The following ACIN1 variants were observed in gnomAD, a reference collection of about 807,000 sequenced individuals.
ACIN1 encodes the protein apoptotic chromatin condensation inducer in the nucleus.
In ACIN1, 16 loss-of-function variants were observed where a neutral mutation model predicts 146.6. The observed-to-expected ratio is 0.11, with a 90% CI of 0.07 to 0.17. The LOEUF (loss-of-function observed/expected upper bound fraction) is 0.17. Ranked by LOEUF, ACIN1 falls within the 10% of genes least tolerant of loss-of-function variation. The probability of loss-of-function intolerance (pLI) is 1.00; values close to 1 mark genes in which losing one functional copy is unlikely to be tolerated. For synonymous variants in ACIN1, 569 were observed against 582.7 expected, an observed-to-expected ratio of 0.98 and a Z score of 0.34; for missense variants, 1,357 against 1,609.3, an observed-to-expected ratio of 0.84 and a Z score of 2.68.
At chr14:23,070,216 GC>G (rs1207742804) in intron 8 of ACIN1, among the ~76,000 whole-genome samples, 25 of 149,080 alleles carry the variant, frequency 1.7e-4, no homozygotes, top group Non-Finnish European at 3.0e-4. Flanking sequence ...GGGGTGCGGG[GC>G]GGGGGGTGGG....
At chr14:23,078,708 C>T (rs2047864205) in intron 7 of ACIN1, 112 bp downstream of exon 7, 2 of 1,160,888 alleles carry the variant, frequency 1.7e-6, no homozygotes, top group Admixed American at 2.6e-5. Flanking sequence ...GTATCCACCA[C>T]ATTTCTACTG....
At chr14:23,071,535 G>A (rs376842649) in intron 8 of ACIN1, 159 of 1,551,262 alleles carry the variant, frequency 1.0e-4, no homozygotes, top group South Asian at 1.9e-4. Context: ...GCGATCAGCC[G>A]GAGACATGCA....
At chr14:23,070,679 C>G (rs1183666124) in intron 8 of ACIN1, among the ~76,000 whole-genome samples, 2 of 152,118 alleles carry the variant, frequency 1.3e-5, no homozygotes, top group African/African-American at 4.8e-5. Context: ...TCAAGATGAT[C>G]AGAGGCCTAA....
chr14:23,072,057 A>C (rs1351945143), intron 8 of ACIN1, among the ~76,000 whole-genome samples: 2 of 152,188 alleles, frequency 1.3e-5, no homozygotes, highest in African/African-American at 4.8e-5. Flanking sequence ...AACCAGTCAG[A>C]TGCTGCAGGT....
At chr14:23,092,695 A>T (rs951562929) in intron 2 of ACIN1, among the ~76,000 whole-genome samples, 3 of 152,252 alleles carry the variant, frequency 2.0e-5, no homozygotes, top group African/African-American at 7.2e-5. Context: ...AGAAACTTTA[A>T]GAGACTGTGC....
At position 23,078,783 on chromosome 14, in the gene ACIN1, C is replaced by T. The variant is rs181047473; in HGVS notation, c.2007+37G>A. The T allele has an allele frequency of 1.7e-4, 274 of 1,590,350 alleles. 1 individual carries two copies. In the African/African-American group the frequency reaches 3.4e-3, roughly 19 times the overall value. On this transcript the variant is annotated intron_variant, in intron 7 of 18. Coordinates refer to ENST00000605057, the MANE Select transcript of ACIN1 (RefSeq NM_001386863.1). ...ACAAGAGGGAAGATCTTGCTTAATC[C>T]TCCATCTCTGTGTAGGGAGGGGTCA...
chr14:23,074,519 C>T (rs748812197), intron 8 of ACIN1, among the ~76,000 whole-genome samples: 7 of 152,128 alleles, frequency 4.6e-5, no homozygotes, highest in South Asian at 4.2e-4. Context: ...GAGCAGAGAT[C>T]GGGCCACTGC....
intron 14 of ACIN1, 149 bp from the exon 15 acceptor site, chr14:23,062,672 G>A: frequency 1.2e-6 from 1 of 803,868 alleles, no homozygotes; most frequent in Non-Finnish European, 2.0e-6. Flanking sequence ...AATGTGAGAA[G>A]AGTGGTGGTG....
intron 4 of ACIN1, among the ~76,000 whole-genome samples, chr14:23,086,534 C>T (rs950621635): frequency 1.3e-5 from 2 of 152,184 alleles, no homozygotes; most frequent in African/African-American, 4.8e-5. Flanking sequence ...CCAATTATTT[C>T]TTTGAGACAT....
Position 23,081,758 on chromosome 14 carries a change from C to A in ACIN1, c.515G>T (p.Arg172Met). The change falls in exon 5 of 19, where the codon AGG becomes ATG. Residue 172 changes from arginine (R) to methionine (M), a missense_variant. Coordinates refer to ENST00000605057, the MANE Select transcript of ACIN1 (RefSeq NM_001386863.1). Reference sequence around the variant, plus strand: ...AGGTATCTGAGTTACCTGTCTGACCCTAGATGATCGTCTTTCTCCTTTCCT... The same window carrying A: ...AGGTATCTGAGTTACCTGTCTGACCATAGATGATCGTCTTTCTCCTTTCCT... ...KPRKGERRSS[R>M]VRQARAAKLS... The A allele has an allele frequency of 6.2e-7, 1 of 1,612,708 alleles. No homozygotes were observed. The highest frequency in any genetic ancestry group is 8.5e-7 in the Non-Finnish European group (1 of 1,179,698).
chr14:23,065,795 G>T (rs997248153), intron 10 of ACIN1, among the ~76,000 whole-genome samples, 171 bp downstream of exon 10: 1 of 152,144 alleles, frequency 6.6e-6, no homozygotes, highest in African/African-American at 2.4e-5. Flanking sequence ...CTCAAGTTTT[G>T]AATTCCAAAA....
chr14:23,072,199 G>C (rs2047678476), intron 8 of ACIN1, among the ~76,000 whole-genome samples: 1 of 152,208 alleles, frequency 6.6e-6, no homozygotes, highest in East Asian at 1.9e-4. Flanking sequence ...ATAGCAGGGA[G>C]AGTTCTTTTT....
chr14:23,094,623 G>C, intron 1 of ACIN1: 1 of 929,390 alleles, frequency 1.1e-6, no homozygotes, highest in Non-Finnish European at 1.4e-6. Flanking sequence ...CCCCCCTCAG[G>C]CCAGCAACGC....
chr14:23,065,021 G>T (rs919647844), intron 10 of ACIN1, among the ~76,000 whole-genome samples: 2 of 152,178 alleles, frequency 1.3e-5, no homozygotes, highest in African/African-American at 4.8e-5. Flanking sequence ...ACTTTTAATG[G>T]TAGACAGTAA....
At chr14:23,076,976 A>T (rs1355987845) in intron 8 of ACIN1, among the ~76,000 whole-genome samples, 1 of 152,222 alleles carries the variant, frequency 6.6e-6, no homozygotes, top group Non-Finnish European at 1.5e-5. Context: ...AAAAAATTTC[A>T]AAGGAAGTAG....
chr14:23,066,026 A>C lies in ACIN1; in HGVS notation c.2266-18T>G, dbSNP rs755103286. 46 of 1,611,408 alleles carry C rather than the reference A, an allele frequency of 2.9e-5. No individual in the cohort carries two copies. In the South Asian group the frequency reaches 4.7e-4, roughly 17 times the overall value. ...AGCGAGCTCTGTATGAAGAAGAAAA[A>C]GGGGAAAAAAAAGAGAAAGAGAGAC... On this transcript the variant is annotated intron_variant, in intron 9 of 18. Transcript: ENST00000605057.
Position 23,090,079 on chromosome 14 carries a change from G to A in ACIN1, c.339C>T (p.Asp113=), listed in dbSNP as rs748145405. The A allele has an allele frequency of 8.1e-6, 13 of 1,613,848 alleles. No individual in the cohort carries two copies. In the Admixed American group the frequency reaches 1.2e-4, roughly 14 times the overall value. ...ELEEASAESE[D]EMIHPEGVAS... ...CCACTCCCTCAGGATGGATCATCTC[G>A]TCCTCCGACTCAGCTGAAGCTTCTG... The change falls in exon 4 of 19, where the codon GAC becomes GAT. Residue 113 remains aspartate, a synonymous_variant. Coordinates refer to ENST00000605057, the MANE Select transcript of ACIN1 (RefSeq NM_001386863.1).
In ACIN1 at chr14:23,079,629, G is replaced by C. The variant is rs746920690; in HGVS notation, c.1706C>G (p.Pro569Arg). ...TGATGTTGATCTGGAGCCCATCTTG[G>C]GTCTACCACGAGGGTTGGCATGAGT... is the stretch of plus-strand genomic sequence containing the variant. ...ARTHANPRGR[P>R]KMGSRSTSES... Residue 569 changes from proline to arginine, a missense_variant, in exon 6 of 19, where the codon CCC becomes CGC. By Grantham distance (103) the Pro-to-Arg change is moderately radical (BLOSUM62 -2). Transcript: ENST00000605057. The C allele has an allele frequency of 6.2e-7, 1 of 1,614,146 alleles. No homozygotes were observed. Among genetic ancestry groups the C allele is most frequent in the South Asian group, 1.1e-5 (1 of 91,076 alleles).
Position 23,079,604 on chromosome 14 carries a change from T to G in ACIN1, c.1731A>C (p.Ser577=), listed in dbSNP as rs758261418. ...GRPKMGSRST[S]ESRSRSRSRS... ...GTGAACGTGACCTTGATCTGGACTC[T>G]GATGTTGATCTGGAGCCCATCTTGG... The change falls in exon 6 of 19, where the codon TCA becomes TCC. Residue 577 remains serine (S), a synonymous_variant. Transcript: ENST00000605057. 6.2e-7 allele frequency: 1 copy of G among 1,614,080 alleles called. No individual in the cohort carries two copies. Among genetic ancestry groups the G allele is most frequent in the Non-Finnish European group, 8.5e-7 (1 of 1,179,990 alleles).
Sources: gnomAD v4.1 joint callset for allele counts (sites outside exome capture counted in the v4.1 genomes callset) on GRCh38, gnomAD v4.1.1 for gene constraint, MANE v1.5 for transcripts, NCBI Gene and HGNC (gene_info 2026-07-23, HGNC 2026-07-21) for gene names.